Variants in LRRTM4 observed in about 807,000 individuals in gnomAD.
LRRTM4 encodes the protein leucine-rich repeat transmembrane neuronal protein 4.
A neutral mutation model predicts 47.6 loss-of-function variants in LRRTM4; 25 were observed. The ratio of observed to expected loss-of-function variants is 0.53; its 90% CI spans 0.38 to 0.73. The LOEUF (loss-of-function observed/expected upper bound fraction) is 0.73, where lower values mean the gene tolerates loss of function less well. LRRTM4 is among the 30% of genes least tolerant of loss of function. The pLI, the probability that LRRTM4 is intolerant of heterozygous loss-of-function variation, is 0.00. For missense variants in LRRTM4, 638 were observed against 713.4 expected (o/e 0.89, Z 1.20); for synonymous variants, 311 against 269.5 (o/e 1.15, Z -1.51).
At chr2:76,866,019 CAGT>C (rs1446777781) in intron 3 of LRRTM4, among the ~76,000 whole-genome samples, 1 of 152,094 alleles carries the variant, frequency 6.6e-6, no homozygotes, top group Non-Finnish European at 1.5e-5. Flanking sequence ...AAGATTTACT[CAGT>C]AGCCACCGTG....
intron 3 of LRRTM4, among the ~76,000 whole-genome samples, chr2:77,403,257 G>A (rs570950941): frequency 1.2e-4 from 18 of 151,716 alleles, no homozygotes; most frequent in African/African-American, 3.4e-4. Context: ...GCCATCACCC[G>A]CACCCCCAGA....
At chr2:77,019,581 C>A (rs1047289664) in intron 3 of LRRTM4, among the ~76,000 whole-genome samples, 2 of 152,118 alleles carry the variant, frequency 1.3e-5, no homozygotes, top group African/African-American at 4.8e-5. Flanking sequence ...ACCTGGCACA[C>A]AGTAATTGCT....
chr2:77,209,887 A>G (rs553163458), intron 3 of LRRTM4, among the ~76,000 whole-genome samples: 16 of 152,306 alleles, frequency 1.1e-4, no homozygotes, highest in African/African-American at 3.8e-4. Flanking sequence ...GTAAAGCCCT[A>G]TTAAATCTAC....
chr2:77,510,166 T>C (rs1011930894), intron 3 of LRRTM4, among the ~76,000 whole-genome samples: 2 of 152,174 alleles, frequency 1.3e-5, no homozygotes, highest in Non-Finnish European at 2.9e-5. Context: ...GAATGCATCA[T>C]GATGAAATTT....
At chr2:76,956,276 A>G (rs973334539) in intron 3 of LRRTM4, among the ~76,000 whole-genome samples, 2 of 151,766 alleles carry the variant, frequency 1.3e-5, no homozygotes, top group East Asian at 1.9e-4. Flanking sequence ...AGGAAACTAG[A>G]AATTAATAGC....
chr2:77,009,964 G>C (rs1252246916), intron 3 of LRRTM4, among the ~76,000 whole-genome samples: 1 of 146,784 alleles, frequency 6.8e-6, no homozygotes, highest in East Asian at 2.0e-4. Context: ...ATCAGGGCAG[G>C]ACCCTTTTTT....
chr2:77,510,705 A>T (rs1678950828), intron 3 of LRRTM4, among the ~76,000 whole-genome samples: 1 of 152,048 alleles, frequency 6.6e-6, no homozygotes, highest in African/African-American at 2.4e-5. Flanking sequence ...TCTTAAAAAT[A>T]TAGTGAATTC....
chr2:77,464,119 G>A (rs1323787502), intron 3 of LRRTM4, among the ~76,000 whole-genome samples: 4 of 152,050 alleles, frequency 2.6e-5, no homozygotes, highest in Non-Finnish European at 5.9e-5. Flanking sequence ...TGGAAGGACA[G>A]ACAAGGAAAA....
chr2:77,291,813 A>C (rs1320683051), intron 3 of LRRTM4, among the ~76,000 whole-genome samples: 1 of 152,162 alleles, frequency 6.6e-6, no homozygotes, highest in African/African-American at 2.4e-5. Context: ...AAACACCAAA[A>C]GCAATGGCAA....
chr2:77,225,280 G>T (rs1379550187), intron 3 of LRRTM4, among the ~76,000 whole-genome samples: 1 of 150,164 alleles, frequency 6.7e-6, no homozygotes, highest in Non-Finnish European at 1.5e-5. Context: ...GAGTTAATGG[G>T]TGCAGCACAC....
At chr2:76,801,867 A>G (rs550693280) in intron 3 of LRRTM4, among the ~76,000 whole-genome samples, 1 of 152,266 alleles carries the variant, frequency 6.6e-6, no homozygotes, top group East Asian at 1.9e-4. Context: ...ATGAAGGACA[A>G]ACACCATAAG....
At chr2:77,238,457 C>T (rs369837462) in intron 3 of LRRTM4, among the ~76,000 whole-genome samples, 3 of 151,906 alleles carry the variant, frequency 2.0e-5, no homozygotes, top group South Asian at 2.1e-4. Flanking sequence ...ACAGGCATAC[C>T]GTGCCTTCCT....
intron 3 of LRRTM4, among the ~76,000 whole-genome samples, chr2:77,243,183 C>T (rs972031441): frequency 3.3e-5 from 5 of 151,956 alleles, no homozygotes; most frequent in Admixed American, 6.6e-5. Context: ...GAGGCCGAGG[C>T]GGGTGGATCA....
chr2:77,081,631 A>T (rs1191864242), intron 3 of LRRTM4, among the ~76,000 whole-genome samples: 1 of 152,196 alleles, frequency 6.6e-6, no homozygotes. Context: ...AATGGCAAGT[A>T]TATTGTCAAG....
intron 3 of LRRTM4, among the ~76,000 whole-genome samples, chr2:77,227,196 T>C (rs1674839250): frequency 6.6e-6 from 1 of 152,018 alleles, no homozygotes; most frequent in Admixed American, 6.6e-5. Context: ...CCCTTAAGAA[T>C]TTAACACACA....
At chr2:76,850,307 G>C (rs1457008776) in intron 3 of LRRTM4, among the ~76,000 whole-genome samples, 1 of 152,084 alleles carries the variant, frequency 6.6e-6, no homozygotes, top group African/African-American at 2.4e-5. Context: ...TCCATAAAGA[G>C]ATGCATATTC....
rs117664781 is a variant in LRRTM4 at position 77,188,927 on chromosome 2, A to G, written c.1551+329391T>C. ...TTGTCCACTTTTTAAAATCACCACTACCAGCTTCTCTATCTCAGTCTTGCA... is the reference window on the plus strand; with the variant it reads ...TTGTCCACTTTTTAAAATCACCACTGCCAGCTTCTCTATCTCAGTCTTGCA... On this transcript the variant is annotated intron_variant, in intron 3 of 3. Transcript: ENST00000409884. 6.9e-4 allele frequency among the ~76,000 whole-genome samples: 105 copies of G among 152,282 alleles called. 2 individuals carry two copies. The East Asian group carries it at 0.02, about 28-fold the overall frequency.
chr2:77,480,814 GTGTGTGTGGAGAGAGA>G (rs1447819838), intron 3 of LRRTM4, among the ~76,000 whole-genome samples: 1 of 130,822 alleles, frequency 7.6e-6, no homozygotes, highest in Non-Finnish European at 1.6e-5. Flanking sequence ...GTGTGTGTGT[GTGTGTGTGGAGAGAGA>G]GAGAGAGAGA....
intron 3 of LRRTM4, among the ~76,000 whole-genome samples, chr2:76,877,686 T>A (rs1266959084): frequency 1.3e-5 from 2 of 152,146 alleles, no homozygotes; most frequent in Non-Finnish European, 2.9e-5. Flanking sequence ...AAAAACTTTA[T>A]CAGTGACACC....
Sources: allele counts gnomAD v4.1 joint callset (sites outside exome capture counted in the v4.1 genomes callset), GRCh38; gene constraint gnomAD v4.1.1; transcripts MANE v1.5; gene names NCBI Gene and HGNC (gene_info 2026-07-23, HGNC 2026-07-21).